Variants in HERC1 observed in about 807,000 individuals in gnomAD.
HERC1 encodes the protein probable E3 ubiquitin-protein ligase HERC1.
A neutral mutation model predicts 554.3 loss-of-function variants in HERC1; 160 were observed. The ratio of observed to expected loss-of-function variants is 0.29; its 90% confidence interval spans 0.25 to 0.33. The LOEUF is 0.33. Ranked by LOEUF, HERC1 falls within the 10% of genes least tolerant of loss-of-function variation. The pLI is 1.00. For synonymous variants in HERC1, 2,175 were observed against 2,131.7 expected, an observed-to-expected ratio of 1.02 and a Z score of -0.56; for missense variants, 4,919 against 5,918.5, an observed-to-expected ratio of 0.83 and a Z score of 5.54.
intron 22 of HERC1, among the ~76,000 whole-genome samples, chr15:63,715,473 AT>A (rs761392521): frequency 3.9e-5 from 6 of 152,174 alleles, no homozygotes; most frequent in Admixed American, 2.0e-4. Context: ...CCTTTACTCC[AT>A]TTGGATCTTT....
chr15:63,670,378 A>G (rs1268625673), intron 39 of HERC1, among the ~76,000 whole-genome samples: 5 of 152,210 alleles, frequency 3.3e-5, no homozygotes, highest in Non-Finnish European at 4.4e-5. Context: ...AAAGATCCAC[A>G]CTGACTGCTC....
At chr15:63,725,611 T>G in intron 17 of HERC1, 98 bp from the exon 18 acceptor site, 1 of 847,798 alleles carries the variant, frequency 1.2e-6, no homozygotes, top group Non-Finnish European at 1.9e-6. Context: ...AAGATACTGA[T>G]GCAAAATATT....
intron 8 of HERC1, among the ~76,000 whole-genome samples, chr15:63,750,070 C>A (rs560882720): frequency 6.6e-6 from 1 of 152,298 alleles, no homozygotes; most frequent in African/African-American, 2.4e-5. Flanking sequence ...AACCACTAAT[C>A]GGCTTGCAAT....
intron 1 of HERC1, among the ~76,000 whole-genome samples, chr15:63,796,764 T>C (rs962384236): frequency 3.3e-5 from 5 of 152,206 alleles, no homozygotes; most frequent in African/African-American, 1.2e-4. Context: ...GGTTTTCAGA[T>C]TGGCAATTGG....
Position 63,758,352 on chromosome 15 carries a change from A to G in HERC1, c.1044T>C (p.Ser348=). 1.3e-6 allele frequency: 2 copies of G among 1,590,720 alleles called. No individual in the cohort carries two copies. Among genetic ancestry groups the G allele is most frequent in the Non-Finnish European group, 1.7e-6 (2 of 1,161,108 alleles). The change falls in exon 4 of 78, where the codon TCT becomes TCC. Residue 348 remains serine, a synonymous_variant. Transcript: ENST00000443617. This position sits in a 1 kb window ranked among gnomAD's most constrained non-coding sequence, Gnocchi z 4.0. The part of the protein sequence containing the change: ...CLFEEVCRMA[S]DYSRTCASPD... ...GGCTAGCACATGTTCTCGAATAATC[A>G]GAAGCCATTCTGCAAACCTATTAAA...
intron 24 of HERC1, among the ~76,000 whole-genome samples, chr15:63,708,878 G>GCCCA (rs889720795): frequency 6.6e-6 from 1 of 152,164 alleles, no homozygotes; most frequent in African/African-American, 2.4e-5. Flanking sequence ...TGAAGGCTTA[G>GCCCA]CCCAGGTCTC....
chr15:63,622,672 ACTC>A (rs2068134581), intron 74 of HERC1, 140 bp downstream of exon 74: 1 of 538,526 alleles, frequency 1.9e-6, no homozygotes, highest in African/African-American at 2.0e-5. Context: ...AACAATATTT[ACTC>A]CTTAGGGTTA....
chr15:63,724,593 TATC>T (rs2073961759), intron 18 of HERC1, among the ~76,000 whole-genome samples: 1 of 152,218 alleles, frequency 6.6e-6, no homozygotes, highest in South Asian at 2.1e-4. Context: ...CTCTTTGTCT[TATC>T]AGAGAAATAA....
chr15:63,651,877 A>G (rs1413737262), intron 52 of HERC1, among the ~76,000 whole-genome samples: 4 of 152,098 alleles, frequency 2.6e-5, no homozygotes, highest in African/African-American at 9.7e-5. Flanking sequence ...CTCTACTAAT[A>G]ATACAAAAAT....
In HERC1 at chr15:63,616,598, G is replaced by T. The variant is rs781363879; in HGVS notation, c.13773C>A (p.Arg4591=). ...AGTGGAGGTCCAGAGGCTTCTTTGT[G>T]CGAATGGCAACCCCCATTAAAATTC... ...FLGILMGVAI[R]TKKPLDLHLA... Residue 4591 remains arginine (R), a synonymous_variant, in exon 75 of 78, where the codon CGC becomes CGA. Transcript: ENST00000443617. 1 of 1,613,926 alleles carries T rather than the reference G, an allele frequency of 6.2e-7. No homozygotes were observed. Among genetic ancestry groups the T allele is most frequent in the Admixed American group, 1.7e-5 (1 of 60,010 alleles).
Position 63,626,151 on chromosome 15 carries a change from A to G in HERC1, c.13109T>C (p.Val4370Ala), listed in dbSNP as rs751529066. 2.5e-6 allele frequency: 4 copies of G among 1,610,958 alleles called. No individual in the cohort carries two copies. The highest frequency in any genetic ancestry group is 3.4e-6 in the Non-Finnish European group (4 of 1,179,194). The change falls in exon 71 of 78, where the codon GTG becomes GCG. Residue 4370 changes from valine to alanine, a missense_variant. By Grantham distance (64) the Val-to-Ala change is moderately conservative. Coordinates refer to ENST00000443617, the MANE Select transcript of HERC1 (RefSeq NM_003922.4). ...CAGGCCCAGCTGCAGAGGTACTGAC[A>G]CACCTGTCCAGAAAGCAAATGGGCA... is the stretch of plus-strand genomic sequence containing the variant. ...APPVPPRAPGVSVPLQLGLPD... is the reference protein window; with the variant it reads ...APPVPPRAPGASVPLQLGLPD...
At chr15:63,656,655 C>A (rs2152914353) in intron 48 of HERC1, among the ~76,000 whole-genome samples, 1 of 152,316 alleles carries the variant, frequency 6.6e-6, no homozygotes, top group South Asian at 2.1e-4. Flanking sequence ...CATGTCACCG[C>A]CCTCCAGATC....
At chr15:63,723,508 T>A (rs1229107180) in intron 18 of HERC1, among the ~76,000 whole-genome samples, 153 bp from the exon 19 acceptor site, 3 of 152,344 alleles carry the variant, frequency 2.0e-5, no homozygotes, top group South Asian at 4.1e-4. Flanking sequence ...TGTTTTTCAG[T>A]TGGAGGTAGT....
chr15:63,704,768 T>G (rs943482556), intron 25 of HERC1, among the ~76,000 whole-genome samples: 53 of 140,304 alleles, frequency 3.8e-4, no homozygotes, highest in African/African-American at 1.4e-3. Context: ...AGATGGAGTC[T>G]CGCTCTGTCG....
At chr15:63,752,328 A>AT (rs370917159) in intron 8 of HERC1, among the ~76,000 whole-genome samples, 1 of 152,324 alleles carries the variant, frequency 6.6e-6, no homozygotes, top group African/African-American at 2.4e-5. Flanking sequence ...TTTTACTGCC[A>AT]TAACTGATGG....
chr15:63,612,450 G>A lies in HERC1; in HGVS notation c.14201C>T (p.Ser4734Phe). Residue 4734 changes from serine to phenylalanine, a missense_variant, in exon 77 of 78, where the codon TCT (serine) becomes TTT (phenylalanine). Around this residue, in one of 11 missense-constraint regions of HERC1, gnomAD observed 284 missense variants for 294.1 expected, o/e 0.97. Coordinates refer to ENST00000443617, the MANE Select transcript of HERC1 (RefSeq NM_003922.4). The surrounding 1 kb of genome is among the most constrained non-coding windows in gnomAD (Gnocchi z 5.0). ...CACCACTTTCTTCAAGACTTCCACA[G>A]AGATCTCGGGCATCCCACACACCAT... is the stretch of plus-strand genomic sequence containing the variant. ...EQMVCGMPEI[S>F]VEVLKKVVRY... The A allele has an allele frequency of 6.2e-7, 1 of 1,614,022 alleles. No individual in the cohort carries two copies. Among genetic ancestry groups the A allele is most frequent in the Non-Finnish European group, 8.5e-7 (1 of 1,179,900 alleles).
At chr15:63,696,378 C>T (rs1199982044) in intron 26 of HERC1, 39 bp from the exon 27 acceptor site, 1 of 1,454,398 alleles carries the variant, frequency 6.9e-7, no homozygotes, top group Admixed American at 1.9e-5. Context: ...CTTCACTTAA[C>T]TCAGACATGA....
chr15:63,639,837 A>C (rs2068954574), intron 61 of HERC1, among the ~76,000 whole-genome samples: 1 of 152,224 alleles, frequency 6.6e-6, no homozygotes, highest in Admixed American at 6.5e-5. Context: ...GACCAGGAAA[A>C]GATGCTAAGA....
At chr15:63,641,762 T>A (rs2152842439) in intron 59 of HERC1, 119 bp from the exon 60 acceptor site, 17 of 788,814 alleles carry the variant, frequency 2.2e-5, no homozygotes, top group Non-Finnish European at 2.8e-5. Context: ...TTGGATATTT[T>A]ATATCCAAAA....
Sources: allele counts gnomAD v4.1 joint callset (sites outside exome capture counted in the v4.1 genomes callset), GRCh38; gene constraint gnomAD v4.1.1; regional missense constraint gnomAD v4.1.1; non-coding constraint Gnocchi (gnomAD v3.1); transcripts MANE v1.5; gene names NCBI Gene and HGNC (gene_info 2026-07-23, HGNC 2026-07-21).